The following FGF14 variants were observed in gnomAD, a reference collection of about 807,000 sequenced individuals.
FGF14 encodes fibroblast growth factor homologous factor 4.
A neutral mutation model predicts 25.5 loss-of-function variants in FGF14; 5 were observed. The observed-to-expected ratio is 0.20, with a 90% CI of 0.10 to 0.41. FGF14 has a LOEUF of 0.41. Among genes scored for constraint, FGF14 ranks in the 10% least tolerant of loss-of-function variants. FGF14 has a pLI of 1.00. For synonymous variants in FGF14, 138 were observed against 118.3 expected, an observed-to-expected ratio of 1.17 and a Z score of -1.08; for missense variants, 222 against 320.1, an observed-to-expected ratio of 0.69 and a Z score of 2.34.
intron 1 of FGF14, among the ~76,000 whole-genome samples, chr13:102,307,771 G>A (rs1327597285): frequency 6.6e-6 from 1 of 152,020 alleles, no homozygotes; most frequent in African/African-American, 2.4e-5. Context: ...TACAGATGAG[G>A]GAATTGAGAC....
intron 1 of FGF14, among the ~76,000 whole-genome samples, chr13:102,111,186 C>G (rs1187273859): frequency 6.6e-6 from 1 of 152,166 alleles, no homozygotes. Context: ...ATCACCACCT[C>G]TCATCTATAC....
Position 101,715,218 on chromosome 13 carries a change from T to G in FGF14, c.*7613A>C. 1 of 205,954 alleles carries G rather than the reference T, an allele frequency of 4.9e-6. No homozygotes were observed. Among genetic ancestry groups the G allele is most frequent in the Non-Finnish European group, 9.9e-6 (1 of 101,102 alleles). The allele number at this position is 205,954 out of a possible 1,614,324, so 12.8% of individuals were successfully genotyped here. ...CACGGATTACTTGGCCTGCCTCATG[T>G]TATGTCAAAGAGCCTTATGTTTTTC... On this transcript the variant is annotated 3_prime_UTR_variant, in exon 5 of 5. Coordinates refer to ENST00000376143, the MANE Select transcript of FGF14 (RefSeq NM_004115.4).
chr13:102,336,746 T>G (rs1323528470), intron 1 of FGF14, among the ~76,000 whole-genome samples: 2 of 152,214 alleles, frequency 1.3e-5, no homozygotes. Context: ...TAGGGACTAA[T>G]GCAGCTGGCG....
intron 1 of FGF14, among the ~76,000 whole-genome samples, chr13:102,287,097 T>A (rs1318949406): frequency 6.6e-6 from 1 of 152,104 alleles, no homozygotes; most frequent in Non-Finnish European, 1.5e-5. Flanking sequence ...CTGCACGTTG[T>A]GCACATGTAC....
intron 1 of FGF14, among the ~76,000 whole-genome samples, chr13:102,035,646 G>A (rs896591375): frequency 6.6e-6 from 1 of 152,064 alleles, no homozygotes; most frequent in African/African-American, 2.4e-5. Flanking sequence ...TCTCTCTTTA[G>A]TTTCATGAGG....
At position 102,311,659 on chromosome 13, in the gene FGF14, C is replaced by T. The variant is rs539575904; in HGVS notation, c.208+89812G>A. ...ATTAAGGGTCAGGCAAAGCAAAGGG[C>T]TTAAAAAGACAGCGTGTAACACAGG... On this transcript the variant is annotated intron_variant, in intron 1 of 4. Transcript: ENST00000376131. Among the ~76,000 whole-genome samples the T allele has an allele frequency of 3.9e-5, 6 of 152,186 alleles. No homozygotes were observed. In the South Asian group the frequency reaches 6.2e-4, roughly 16 times the overall value.
At chr13:102,000,032 T>C (rs1252206784) in intron 1 of FGF14, among the ~76,000 whole-genome samples, 1 of 152,184 alleles carries the variant, frequency 6.6e-6, no homozygotes, top group Non-Finnish European at 1.5e-5. Context: ...AAAACTCATG[T>C]TTGCCGGGCG....
At chr13:102,125,299 T>C (rs2045906099) in intron 1 of FGF14, among the ~76,000 whole-genome samples, 1 of 152,166 alleles carries the variant, frequency 6.6e-6, no homozygotes, top group South Asian at 2.1e-4. Context: ...TTATTACACA[T>C]GCATTTATAT....
At chr13:101,955,307 GT>G (rs2036446458) in intron 1 of FGF14, among the ~76,000 whole-genome samples, 1 of 152,194 alleles carries the variant, frequency 6.6e-6, no homozygotes, top group African/African-American at 2.4e-5. Flanking sequence ...CTGCAATTGG[GT>G]TTAGCTTCTA....
intron 1 of FGF14, among the ~76,000 whole-genome samples, chr13:102,124,106 G>T (rs2045850858): frequency 6.6e-6 from 1 of 152,138 alleles, no homozygotes; most frequent in Non-Finnish European, 1.5e-5. Flanking sequence ...AATGAGAAAT[G>T]TTCATGCTCA....
At chr13:101,949,411 C>G (rs1004474583) in intron 1 of FGF14, among the ~76,000 whole-genome samples, 3 of 152,144 alleles carry the variant, frequency 2.0e-5, no homozygotes, top group African/African-American at 7.2e-5. Context: ...CTTCTCACAG[C>G]TGCTTGGCTG....
chr13:102,352,765 T>C (rs1337364073), intron 1 of FGF14, among the ~76,000 whole-genome samples: 1 of 143,748 alleles, frequency 7.0e-6, no homozygotes, highest in Non-Finnish European at 1.5e-5. Context: ...TGAGCCGAGA[T>C]CGCGCCACTG....
At position 102,145,688 on chromosome 13, in the gene FGF14, T is replaced by G. The variant is rs948917653; in HGVS notation, c.208+255783A>C. Among the ~76,000 whole-genome samples the G allele has an allele frequency of 4.6e-5, 7 of 152,186 alleles. No individual in the cohort carries two copies. The East Asian group carries it at 1.3e-3, about 29-fold the overall frequency. Reference sequence around the variant, plus strand: ...ATAGCAATAGCAAAAGTGATATATATGCCTTTTCCCCAACAGCTATGTTAG... The same window carrying G: ...ATAGCAATAGCAAAAGTGATATATAGGCCTTTTCCCCAACAGCTATGTTAG... On this transcript the variant is annotated intron_variant, in intron 1 of 4. Coordinates refer to the FGF14 transcript ENST00000376131.
chr13:102,309,684 G>A (rs542093257), intron 1 of FGF14, among the ~76,000 whole-genome samples: 3 of 152,276 alleles, frequency 2.0e-5, no homozygotes, highest in Admixed American at 1.3e-4. Flanking sequence ...AATTAGTGCT[G>A]CCTATTATAA....
intron 1 of FGF14, among the ~76,000 whole-genome samples, chr13:102,154,319 C>T (rs1354237957): frequency 4.6e-5 from 7 of 151,512 alleles, no homozygotes; most frequent in African/African-American, 1.2e-4. Flanking sequence ...GCGGATCTCT[C>T]GGCAGAAACC....
intron 3 of FGF14, among the ~76,000 whole-genome samples, chr13:101,752,219 C>G (rs949962398): frequency 6.6e-6 from 1 of 152,044 alleles, no homozygotes; most frequent in Non-Finnish European, 1.5e-5. Flanking sequence ...AAATATCAAC[C>G]ATTAAAGAGA....
intron 1 of FGF14, among the ~76,000 whole-genome samples, chr13:102,222,833 T>C (rs2050674287): frequency 2.0e-5 from 3 of 152,108 alleles, no homozygotes; most frequent in South Asian, 2.1e-4. Flanking sequence ...GAAATGAACA[T>C]AGTCCTCTAA....
intron 1 of FGF14, among the ~76,000 whole-genome samples, chr13:102,242,537 T>A (rs2051654390): frequency 6.6e-6 from 1 of 151,944 alleles, no homozygotes; most frequent in South Asian, 2.1e-4. Context: ...GGGGCCCAAA[T>A]TTGTTATTTT....
At chr13:102,111,211 C>G (rs2045207661) in intron 1 of FGF14, among the ~76,000 whole-genome samples, 1 of 152,206 alleles carries the variant, frequency 6.6e-6, no homozygotes, top group African/African-American at 2.4e-5. Flanking sequence ...AACGGAATAT[C>G]CCCTTCCATT....
Sources: gnomAD v4.1 joint callset for allele counts (sites outside exome capture counted in the v4.1 genomes callset) on GRCh38, gnomAD v4.1.1 for gene constraint, MANE v1.5 for transcripts, NCBI Gene and HGNC (gene_info 2026-07-23, HGNC 2026-07-21) for gene names.